The following GABRG1 variants were observed in gnomAD, a reference collection of about 807,000 sequenced individuals.
GABRG1 encodes gamma-aminobutyric acid type A receptor subunit gamma1, also known as gamma-aminobutyric acid receptor subunit gamma-1.
In GABRG1, 49 loss-of-function variants were observed where a neutral mutation model predicts 49.8. The observed-to-expected ratio is 0.98, with a 90% CI of 0.78 to 1.25. The LOEUF (loss-of-function observed/expected upper bound fraction) is 1.25. GABRG1 is among the 50% of genes most tolerant of loss of function. GABRG1 has a pLI of 0.00. For missense variants in GABRG1, 552 were observed against 552.3 expected, an observed-to-expected ratio of 1.00 and a Z score of 0.01; for synonymous variants, 232 against 185.1, an observed-to-expected ratio of 1.25 and a Z score of -2.06.
chr4:46,099,614 C>T (rs1027114292), intron 1 of GABRG1, among the ~76,000 whole-genome samples: 1 of 151,594 alleles, frequency 6.6e-6, no homozygotes, highest in African/African-American at 2.4e-5. Context: ...TCTACTATTC[C>T]AAATCTCACC....
rs1012959076 is a variant in GABRG1, at chr4:46,038,648, G to A, written c.*2340C>T. 10 of 151,624 alleles carry A rather than the reference G, an allele frequency of 6.6e-5. No homozygotes were observed. The highest frequency in any genetic ancestry group is 2.2e-4 in the African/African-American group (9 of 41,506). 9.4% of individuals were successfully genotyped at this position (151,624 alleles called of 1,614,324 possible). A position where few individuals can be genotyped will look rare whatever the true frequency, so the allele number is the denominator to read the frequency against. On this transcript the variant is annotated 3_prime_UTR_variant, in exon 9 of 9. Transcript: ENST00000295452. Reference sequence around the variant, plus strand: ...TCAGCTTTGAAAAAAAGCTGTATTTGATTTCTTGAGAAAGAAGTCTAAATG... The same window carrying A: ...TCAGCTTTGAAAAAAAGCTGTATTTAATTTCTTGAGAAAGAAGTCTAAATG...
At position 46,087,963 on chromosome 4, in the gene GABRG1, T is replaced by C. The variant is rs1719842852; in HGVS notation, c.254-3910A>G. Among the ~76,000 whole-genome samples the C allele has an allele frequency of 1.3e-5, 2 of 152,054 alleles. 1 individual carries two copies. Among genetic ancestry groups the C allele is most frequent in the Admixed American group, 1.3e-4 (2 of 15,224 alleles). ...AAACATATGGCTGTTTAAATTTAAA[T>C]AGAAATTAATTGCATTTAAATGAAA... On this transcript the variant is annotated intron_variant, in intron 2 of 8. Coordinates refer to ENST00000295452, the MANE Select transcript of GABRG1 (RefSeq NM_173536.4).
intron 2 of GABRG1, among the ~76,000 whole-genome samples, chr4:46,092,379 A>G (rs1720020615): frequency 1.3e-5 from 2 of 152,030 alleles, no homozygotes; most frequent in Non-Finnish European, 2.9e-5. Context: ...ATTATGATAA[A>G]CTTACTGATT....
rs574263257 is a variant in GABRG1, at chr4:46,037,390, C to G, written c.*3598G>C. 6.6e-6 allele frequency: 1 copy of G among 151,820 alleles called. No individual in the cohort carries two copies. Among genetic ancestry groups the G allele is most frequent in the East Asian group, 1.9e-4 (1 of 5,134 alleles). The allele number at this position is 151,820 out of a possible 1,614,324, so 9.4% of individuals were successfully genotyped here. A position where few individuals can be genotyped will look rare whatever the true frequency, so the allele number is the denominator to read the frequency against. ...TAACTGTATAGAAGCCTGGCAAGAC[C>G]TTCCTAGCAGTAAAAAGCAATAAAG... is the stretch of plus-strand genomic sequence containing the variant. On this transcript the variant is annotated 3_prime_UTR_variant, in exon 9 of 9. Transcript: ENST00000295452.
chr4:46,092,003 C>A (rs1720007336), intron 2 of GABRG1, among the ~76,000 whole-genome samples: 1 of 151,846 alleles, frequency 6.6e-6, no homozygotes, highest in Non-Finnish European at 1.5e-5. Context: ...TAGTAAAAGT[C>A]AGGAGAAAAT....
intron 1 of GABRG1, among the ~76,000 whole-genome samples, chr4:46,104,641 T>C (rs1720478832): frequency 6.6e-6 from 1 of 151,542 alleles, no homozygotes; most frequent in African/African-American, 2.4e-5. Flanking sequence ...TTTATATGTA[T>C]TGGTTATTTT....
intron 3 of GABRG1, among the ~76,000 whole-genome samples, chr4:46,078,544 C>A (rs1160924413): frequency 4.0e-5 from 6 of 151,854 alleles, no homozygotes; most frequent in Non-Finnish European, 2.9e-5. Context: ...ATGCCGGAAC[C>A]AATTGCATGA....
intron 7 of GABRG1, among the ~76,000 whole-genome samples, chr4:46,053,355 T>A (rs1718309663): frequency 6.6e-6 from 1 of 151,946 alleles, no homozygotes; most frequent in African/African-American, 2.4e-5. Context: ...GTAAAGTAGT[T>A]GATGATAATT....
chr4:46,090,139 G>T (rs1203695000), intron 2 of GABRG1, among the ~76,000 whole-genome samples: 2 of 152,042 alleles, frequency 1.3e-5, no homozygotes, highest in African/African-American at 4.8e-5. Context: ...ATTTTGGACA[G>T]AAAGCGATAC....
intron 3 of GABRG1, among the ~76,000 whole-genome samples, chr4:46,072,379 T>C (rs1719163752): frequency 1.3e-5 from 2 of 152,082 alleles, no homozygotes; most frequent in African/African-American, 4.8e-5. Context: ...TAAGTTGACA[T>C]GTAAAATTAA....
At chr4:46,109,744 G>T (rs927093586) in intron 1 of GABRG1, among the ~76,000 whole-genome samples, 3 of 150,938 alleles carry the variant, frequency 2.0e-5, no homozygotes, top group Admixed American at 1.3e-4. Flanking sequence ...ATAATTTTTT[G>T]ATTTATCCCT....
intron 8 of GABRG1, among the ~76,000 whole-genome samples, chr4:46,050,332 TG>T (rs1718167417): frequency 6.6e-6 from 1 of 151,850 alleles, no homozygotes; most frequent in South Asian, 2.1e-4. Flanking sequence ...GTTTTTCTCT[TG>T]GAATATAACA....
intron 5 of GABRG1, among the ~76,000 whole-genome samples, chr4:46,060,936 C>A (rs1399080279): frequency 2.0e-5 from 3 of 152,088 alleles, no homozygotes; most frequent in Non-Finnish European, 4.4e-5. Context: ...ATCTTCCACA[C>A]ATATTTGTTG....
intron 8 of GABRG1, among the ~76,000 whole-genome samples, chr4:46,045,065 T>C (rs1048533365): frequency 1.3e-5 from 2 of 151,986 alleles, no homozygotes; most frequent in South Asian, 2.1e-4. Context: ...CCGGGCCTAT[T>C]TGGGGAACAA....
At chr4:46,102,324 A>G (rs1246349393) in intron 1 of GABRG1, among the ~76,000 whole-genome samples, 4 of 151,660 alleles carry the variant, frequency 2.6e-5, no homozygotes, top group Non-Finnish European at 5.9e-5. Context: ...ACATAGTAGG[A>G]ATATTAATTC....
At chr4:46,111,987 A>T (rs552204560) in intron 1 of GABRG1, among the ~76,000 whole-genome samples, 10 of 151,532 alleles carry the variant, frequency 6.6e-5, no homozygotes, top group Middle Eastern at 3.4e-3. Flanking sequence ...AAAAATGGAC[A>T]TGTGAGACCT....
chr4:46,122,012 T>G (rs1318049387), intron 1 of GABRG1, among the ~76,000 whole-genome samples: 1 of 152,130 alleles, frequency 6.6e-6, no homozygotes, highest in African/African-American at 2.4e-5. Flanking sequence ...ATGTATTGAA[T>G]GTGAAACTCT....
At chr4:46,059,865 A>T (rs1718605996) in intron 5 of GABRG1, among the ~76,000 whole-genome samples, 1 of 152,104 alleles carries the variant, frequency 6.6e-6, no homozygotes, top group African/African-American at 2.4e-5. Context: ...CTAGCCTTTA[A>T]AAAGTATGTT....
chr4:46,044,104 T>C (rs1464264979), intron 8 of GABRG1, among the ~76,000 whole-genome samples: 2 of 152,060 alleles, frequency 1.3e-5, no homozygotes, highest in Non-Finnish European at 2.9e-5. Flanking sequence ...TAAGCACTGT[T>C]TACCACTCCT....
Sources: gnomAD v4.1 joint callset for allele counts (sites outside exome capture counted in the v4.1 genomes callset) on GRCh38, gnomAD v4.1.1 for gene constraint, MANE v1.5 for transcripts, NCBI Gene and HGNC (gene_info 2026-07-23, HGNC 2026-07-21) for gene names.